The following DPP10 variants were observed in gnomAD, a reference collection of about 807,000 sequenced individuals.
The protein encoded by DPP10 is inactive dipeptidyl peptidase 10.
In DPP10, 33 loss-of-function variants were observed where a neutral mutation model predicts 120.9. The observed-to-expected ratio is 0.27, with a 90% CI of 0.21 to 0.37. The LOEUF (loss-of-function observed/expected upper bound fraction) is 0.37, where lower values mean the gene tolerates loss of function less well. DPP10 is among the 10% of genes least tolerant of loss of function. The pLI, the probability that DPP10 is intolerant of heterozygous loss-of-function variation, is 1.00. For missense variants in DPP10, 816 were observed against 942.8 expected (o/e 0.87, Z 1.76); for synonymous variants, 337 against 326.1 (o/e 1.03, Z -0.36).
chr2:115,817,131 C>T (rs1313030109), intron 21 of DPP10, among the ~76,000 whole-genome samples: 1 of 151,620 alleles, frequency 6.6e-6, no homozygotes, highest in Non-Finnish European at 1.5e-5. Flanking sequence ...GCCTGTAGTC[C>T]CAGCTACTCG....
At chr2:114,787,254 A>G (rs2106220023) in intron 1 of DPP10, among the ~76,000 whole-genome samples, 1 of 152,296 alleles carries the variant, frequency 6.6e-6, no homozygotes, top group African/African-American at 2.4e-5. Context: ...CAGAGAGAAC[A>G]TCAAGTGCAA....
At chr2:114,694,199 T>C (rs895239563) in intron 1 of DPP10, among the ~76,000 whole-genome samples, 1 of 151,856 alleles carries the variant, frequency 6.6e-6, no homozygotes, top group Non-Finnish European at 1.5e-5. Context: ...ACCCTCCTCA[T>C]AGGACTGTGG....
intron 1 of DPP10, among the ~76,000 whole-genome samples, chr2:115,210,521 T>C (rs180813953): frequency 3.3e-5 from 5 of 152,314 alleles, no homozygotes; most frequent in Admixed American, 2.6e-4. Context: ...TATAATCCTT[T>C]GGGTGTATAC....
At chr2:115,061,603 T>A (rs1236457983) in intron 1 of DPP10, among the ~76,000 whole-genome samples, 1 of 152,182 alleles carries the variant, frequency 6.6e-6, no homozygotes, top group Non-Finnish European at 1.5e-5. Flanking sequence ...TGTTTATAAT[T>A]GGGAAACATA....
intron 1 of DPP10, among the ~76,000 whole-genome samples, chr2:114,471,116 C>A (rs1679870398): frequency 6.6e-6 from 1 of 152,134 alleles, no homozygotes; most frequent in Non-Finnish European, 1.5e-5. Context: ...ACTGTATGTT[C>A]TTTTTAGTAC....
chr2:114,687,738 G>A lies in DPP10; in HGVS notation c.60+244900G>A, dbSNP rs143359396. ...CACATCCCAAGAAAAGATAATGAGA[G>A]CCTGGAGCAAGGCTTCCACCATTTC... On this transcript the variant is annotated intron_variant, in intron 1 of 25. Coordinates refer to ENST00000410059, the MANE Select transcript of DPP10 (RefSeq NM_020868.6). Among the ~76,000 whole-genome samples the A allele has an allele frequency of 3.3e-3, 503 of 152,054 alleles. 5 individuals carry two copies. Among genetic ancestry groups the A allele is most frequent in the African/African-American group, 0.012 (483 of 41,532 alleles).
chr2:114,987,089 T>G (rs1440591267), intron 1 of DPP10, among the ~76,000 whole-genome samples: 1 of 152,082 alleles, frequency 6.6e-6, no homozygotes, highest in Non-Finnish European at 1.5e-5. Flanking sequence ...CTAGGATAGG[T>G]TTTCTCATTG....
At chr2:114,896,087 A>G (rs949565864) in intron 1 of DPP10, among the ~76,000 whole-genome samples, 1 of 152,026 alleles carries the variant, frequency 6.6e-6, no homozygotes, top group African/African-American at 2.4e-5. Flanking sequence ...TGTTCCATTG[A>G]TCTATATCTC....
At chr2:115,827,501 G>T (rs111821922) in intron 21 of DPP10, among the ~76,000 whole-genome samples, 1,920 of 143,276 alleles carry the variant, frequency 0.013, 43 homozygotes, top group African/African-American at 0.044. Context: ...TGCCACAGTT[G>T]TCATACATTT....
chr2:115,749,948 C>T (rs999633622), intron 10 of DPP10: 1 of 979,706 alleles, frequency 1.0e-6, no homozygotes, highest in African/African-American at 1.8e-5. Context: ...AGTCTGTTGA[C>T]TTGAGTGCAA....
intron 1 of DPP10, among the ~76,000 whole-genome samples, chr2:114,491,400 T>C (rs1681989411): frequency 6.6e-6 from 1 of 152,234 alleles, no homozygotes; most frequent in African/African-American, 2.4e-5. Context: ...TTTGCTATTG[T>C]AATTAAACTT....
chr2:115,652,514 G>T (rs773802828), intron 5 of DPP10, among the ~76,000 whole-genome samples: 2 of 151,128 alleles, frequency 1.3e-5, no homozygotes, highest in African/African-American at 4.9e-5. Context: ...ATAGGAATTA[G>T]CATATGAAGT....
chr2:115,460,630 G>A (rs888486631), intron 3 of DPP10, among the ~76,000 whole-genome samples: 18 of 152,248 alleles, frequency 1.2e-4, no homozygotes, highest in African/African-American at 4.3e-4. Flanking sequence ...ACAGGGTAGA[G>A]TTACATGATA....
intron 1 of DPP10, among the ~76,000 whole-genome samples, chr2:114,617,096 C>T (rs558459837): frequency 2.0e-5 from 3 of 152,070 alleles, no homozygotes; most frequent in South Asian, 4.1e-4. Flanking sequence ...GTTACTTCAA[C>T]AAGTCAATGT....
chr2:114,960,523 C>T (rs947473748), intron 1 of DPP10, among the ~76,000 whole-genome samples: 71 of 152,172 alleles, frequency 4.7e-4, no homozygotes, highest in African/African-American at 1.4e-3. Flanking sequence ...ATAATTTTAT[C>T]ATGCGTTCAT....
chr2:115,560,724 A>ATACT (rs2080594698), intron 5 of DPP10, among the ~76,000 whole-genome samples: 1 of 151,640 alleles, frequency 6.6e-6, no homozygotes, highest in Non-Finnish European at 1.5e-5. Context: ...AAGCTAGCAA[A>ATACT]GTGATACTGT....
At chr2:115,838,175 T>TA (rs1689728743) in intron 24 of DPP10, among the ~76,000 whole-genome samples, 1 of 152,118 alleles carries the variant, frequency 6.6e-6, no homozygotes, top group African/African-American at 2.4e-5. Context: ...AATAGTCTAT[T>TA]AAAGAAAGAG....
At chr2:115,177,533 T>C (rs1040404812) in intron 1 of DPP10, among the ~76,000 whole-genome samples, 1 of 152,178 alleles carries the variant, frequency 6.6e-6, no homozygotes, top group Non-Finnish European at 1.5e-5. Context: ...CACAAATATA[T>C]ACAGTGGAAC....
intron 1 of DPP10, among the ~76,000 whole-genome samples, chr2:114,864,590 A>G (rs375303278): frequency 1.1e-3 from 166 of 152,328 alleles, no homozygotes; most frequent in South Asian, 2.3e-3. Context: ...TATTTACAGG[A>G]AACTTGGAAA....
Sources: gnomAD v4.1 joint callset for allele counts (sites outside exome capture counted in the v4.1 genomes callset) on GRCh38, gnomAD v4.1.1 for gene constraint, MANE v1.5 for transcripts, NCBI Gene and HGNC (gene_info 2026-07-23, HGNC 2026-07-21) for gene names.